The following EML5 variants were observed in gnomAD, a reference collection of about 807,000 sequenced individuals.
EML5 encodes the protein echinoderm microtubule-associated protein-like 5.
A neutral mutation model predicts 250.0 loss-of-function variants in EML5; 120 were observed. The ratio of observed to expected loss-of-function variants is 0.48; its 90% CI spans 0.41 to 0.56. EML5 has a LOEUF of 0.56. Among genes scored for constraint, EML5 ranks in the 20% least tolerant of loss-of-function variants. The pLI is 0.00. For missense variants in EML5, 2,006 were observed against 2,437.6 expected (o/e 0.82, Z 3.73); for synonymous variants, 771 against 806.5 (o/e 0.96, Z 0.75).
intron 1 of EML5, among the ~76,000 whole-genome samples, chr14:88,784,136 A>G (rs1774987113): frequency 6.6e-6 from 1 of 152,216 alleles, no homozygotes; most frequent in Admixed American, 6.5e-5. Flanking sequence ...AACCTATGGG[A>G]TACTGCAAAA....
chr14:88,734,988 G>C (rs2140182447), intron 7 of EML5, among the ~76,000 whole-genome samples: 1 of 152,170 alleles, frequency 6.6e-6, no homozygotes, highest in South Asian at 2.1e-4. Context: ...TTCTATACTA[G>C]CTAGATACAG....
chr14:88,643,841 G>T (rs2140668206), intron 30 of EML5, among the ~76,000 whole-genome samples: 1 of 152,326 alleles, frequency 6.6e-6, no homozygotes, highest in South Asian at 2.1e-4. Flanking sequence ...TGTAGGACTA[G>T]GTTGGGGAGG....
intron 21 of EML5, among the ~76,000 whole-genome samples, chr14:88,670,492 A>G (rs2092432109): frequency 6.6e-6 from 1 of 152,102 alleles, no homozygotes; most frequent in Non-Finnish European, 1.5e-5. Flanking sequence ...CAAACTCAAA[A>G]AGCCAGAGTG....
intron 34 of EML5, chr14:88,627,315 A>G (rs979908678): frequency 1.4e-4 from 70 of 485,426 alleles, no homozygotes; most frequent in Non-Finnish European, 2.1e-4. Flanking sequence ...ATCTGCCATT[A>G]TCATTAGAAA....
intron 42 of EML5, 33 bp from the exon 43 acceptor site, chr14:88,616,275 T>G: frequency 6.3e-7 from 1 of 1,599,136 alleles, no homozygotes; most frequent in Non-Finnish European, 8.6e-7. Flanking sequence ...CTCAGGGCAT[T>G]TGGTGCACAC....
chr14:88,768,224 T>C (rs2094345005), intron 1 of EML5, among the ~76,000 whole-genome samples: 1 of 152,174 alleles, frequency 6.6e-6, no homozygotes, highest in African/African-American at 2.4e-5. Flanking sequence ...CTCGATCCCT[T>C]GGTTAAACAG....
intron 30 of EML5, 104 bp downstream of exon 30, chr14:88,644,329 T>C: frequency 5.9e-6 from 6 of 1,010,432 alleles, no homozygotes; most frequent in Non-Finnish European, 8.7e-6. Context: ...AAAACAGTAC[T>C]CAAATACACT....
intron 1 of EML5, among the ~76,000 whole-genome samples, chr14:88,783,906 T>C (rs900438571): frequency 6.6e-6 from 1 of 152,226 alleles, no homozygotes; most frequent in Non-Finnish European, 1.5e-5. Context: ...AGACTGTGTG[T>C]TGGGTCATAA....
chr14:88,649,840 C>A, intron 28 of EML5, 72 bp downstream of exon 28: 2 of 1,250,460 alleles, frequency 1.6e-6, no homozygotes, highest in South Asian at 3.1e-5. Flanking sequence ...GAAAAAATAC[C>A]TTAAAATACC....
At chr14:88,773,284 AG>A (rs2094413079) in intron 1 of EML5, among the ~76,000 whole-genome samples, 1 of 152,240 alleles carries the variant, frequency 6.6e-6, no homozygotes, top group Admixed American at 6.5e-5. Context: ...CTGATAATGC[AG>A]GATATCTGTC....
chr14:88,778,214 CGAAA>C (rs1437479606), intron 1 of EML5, among the ~76,000 whole-genome samples: 14 of 151,060 alleles, frequency 9.3e-5, no homozygotes, highest in Admixed American at 8.6e-4. Context: ...AAGACCTGAA[CGAAA>C]GAAGGAAAAA....
chr14:88,627,129 G>T, intron 34 of EML5, 83 bp from the exon 35 acceptor site: 1 of 1,426,504 alleles, frequency 7.0e-7, no homozygotes, highest in Non-Finnish European at 9.8e-7. Context: ...AAAATACATA[G>T]TTCAAAAAAC....
At position 88,626,642 on chromosome 14, in the gene EML5, CCT is replaced by C. The variant is rs2089986800; in HGVS notation, c.4740+194_4740+195del. 4.8e-6 allele frequency: 3 copies of C among 626,090 alleles called. No homozygotes were observed. The African/African-American group carries it at 5.5e-5, about 12-fold the overall frequency. The allele number at this position is 626,090 out of a possible 1,614,324, so 38.8% of individuals were successfully genotyped here. A position where few individuals can be genotyped will look rare whatever the true frequency, so the allele number is the denominator to read the frequency against. On this transcript the variant is annotated intron_variant, in intron 35 of 43. Coordinates refer to ENST00000554922, the MANE Select transcript of EML5 (RefSeq NM_183387.3). The stretch of plus-strand genomic sequence containing the variant: ...AAAAAAAAAAAAAAATCCTTTTCCC[CCT>C]CTCATTAACATTCTTTTCACTCCCT...
chr14:88,746,069 T>C (rs1435968474), intron 3 of EML5, 116 bp downstream of exon 3: 1 of 738,636 alleles, frequency 1.4e-6, no homozygotes, highest in African/African-American at 1.8e-5. Context: ...TTGTAAAATT[T>C]TAATTACATA....
At chr14:88,648,402 A>G (rs1595364224) in intron 28 of EML5, among the ~76,000 whole-genome samples, 1 of 152,096 alleles carries the variant, frequency 6.6e-6, no homozygotes, top group Admixed American at 6.6e-5. Flanking sequence ...CACCCAAGCT[A>G]GAGTGCAGTG....
At position 88,792,279 on chromosome 14, in the gene EML5, G is replaced by A; in HGVS notation, c.197+28C>T. ...AAACTCCGGGAGCGGCTTGCAGGGT[G>A]ACGGCGGCGGCCCCCGCTCCCCGGT... On this transcript the variant is annotated intron_variant, in intron 1 of 43. Coordinates refer to ENST00000554922, the MANE Select transcript of EML5 (RefSeq NM_183387.3). The surrounding 1 kb of genome is among the most constrained non-coding windows in gnomAD (Gnocchi z 6.9). 6.5e-7 allele frequency: 1 copy of A among 1,542,878 alleles called. No homozygotes were observed. Among genetic ancestry groups the A allele is most frequent in the Non-Finnish European group, 8.7e-7 (1 of 1,145,678 alleles).
chr14:88,782,879 A>C (rs2094511220), intron 1 of EML5, among the ~76,000 whole-genome samples: 1 of 152,176 alleles, frequency 6.6e-6, no homozygotes. Context: ...CAGGAGTTCA[A>C]GATCAGCCGG....
intron 7 of EML5, among the ~76,000 whole-genome samples, chr14:88,732,710 C>T (rs2093779908): frequency 6.6e-6 from 1 of 152,180 alleles, no homozygotes; most frequent in Non-Finnish European, 1.5e-5. Flanking sequence ...AAAATCCTGA[C>T]TTGCACTAAC....
intron 12 of EML5, among the ~76,000 whole-genome samples, chr14:88,705,261 C>T (rs2139755416): frequency 6.6e-6 from 1 of 151,852 alleles, no homozygotes; most frequent in East Asian, 1.9e-4. Context: ...TGACAAAATC[C>T]TATAGGCAAA....
Sources: gnomAD v4.1 joint callset for allele counts (sites outside exome capture counted in the v4.1 genomes callset) on GRCh38, gnomAD v4.1.1 for gene constraint, Gnocchi (gnomAD v3.1) non-coding constraint, MANE v1.5 for transcripts, NCBI Gene and HGNC (gene_info 2026-07-23, HGNC 2026-07-21) for gene names.